The following ANKRD6 variants were observed in gnomAD, a reference collection of about 807,000 sequenced individuals.
ANKRD6 encodes the protein ankyrin repeat domain 6.
ANKRD6 carries 56 observed loss-of-function variants against 82.3 expected under a neutral mutation model. The ratio of observed to expected loss-of-function variants is 0.68; its 90% CI spans 0.55 to 0.85. The LOEUF is 0.85. ANKRD6 is among the 40% of genes least tolerant of loss of function. The pLI, the probability that ANKRD6 is intolerant of heterozygous loss-of-function variation, is 0.00. For synonymous variants in ANKRD6, 347 were observed against 352.1 expected (o/e 0.99, Z 0.16); for missense variants, 852 against 907.6 (o/e 0.94, Z 0.79).
At chr6:89,495,407 A>G (rs2127858639) in intron 1 of ANKRD6, among the ~76,000 whole-genome samples, 1 of 152,322 alleles carries the variant, frequency 6.6e-6, no homozygotes, top group Non-Finnish European at 1.5e-5. Context: ...GTCTGCCCTC[A>G]GACCCCAAGT....
intron 1 of ANKRD6, among the ~76,000 whole-genome samples, chr6:89,477,050 T>C (rs970348686): frequency 3.9e-5 from 6 of 152,210 alleles, no homozygotes; most frequent in Non-Finnish European, 7.3e-5. Context: ...GTTCACGCCA[T>C]TCTCCTGCCT....
intron 6 of ANKRD6, among the ~76,000 whole-genome samples, chr6:89,612,912 CTAAA>C (rs1583772938): frequency 1.3e-5 from 2 of 152,146 alleles, no homozygotes; most frequent in African/African-American, 4.8e-5. Context: ...GCCACGTTGG[CTAAA>C]TAAATAAATA....
chr6:89,506,893 C>T (rs1056756043), intron 1 of ANKRD6, among the ~76,000 whole-genome samples: 7 of 152,230 alleles, frequency 4.6e-5, no homozygotes, highest in African/African-American at 1.7e-4. Context: ...AATCCCTAGT[C>T]TGCCTCACCT....
intron 1 of ANKRD6, among the ~76,000 whole-genome samples, chr6:89,476,501 A>G (rs1319607938): frequency 2.0e-5 from 3 of 152,150 alleles, no homozygotes; most frequent in African/African-American, 7.2e-5. Flanking sequence ...GACTTTTTCC[A>G]CAAAACTGTC....
chr6:89,618,143 A>G (rs1802076254), intron 9 of ANKRD6, 112 bp downstream of exon 9: 1 of 1,228,062 alleles, frequency 8.1e-7, no homozygotes. Flanking sequence ...TATGGAATGT[A>G]ACCAGGCAGT....
At chr6:89,604,403 T>C (rs780521161) in intron 4 of ANKRD6, among the ~76,000 whole-genome samples, 8 of 150,780 alleles carry the variant, frequency 5.3e-5, no homozygotes, top group Non-Finnish European at 5.9e-5. Context: ...CTAATGTTTT[T>C]AAATTTTCAA....
intron 1 of ANKRD6, among the ~76,000 whole-genome samples, chr6:89,533,126 C>T (rs913416272): frequency 3.9e-5 from 6 of 152,132 alleles, no homozygotes; most frequent in South Asian, 2.1e-4. Context: ...CCACCTCCCT[C>T]GGCCTCCCAA....
intron 1 of ANKRD6, among the ~76,000 whole-genome samples, chr6:89,524,216 C>T (rs1334410748): frequency 1.3e-5 from 2 of 151,888 alleles, no homozygotes; most frequent in Non-Finnish European, 2.9e-5. Context: ...TGGATAAGTT[C>T]TTTGGTGATC....
chr6:89,567,487 G>A (rs547366750), intron 2 of ANKRD6, among the ~76,000 whole-genome samples: 4 of 152,258 alleles, frequency 2.6e-5, no homozygotes, highest in East Asian at 1.9e-4. Flanking sequence ...CATTGTCCCC[G>A]TCTGTATGAT....
intron 1 of ANKRD6, among the ~76,000 whole-genome samples, chr6:89,554,017 G>T (rs79614083): frequency 0.024 from 3,707 of 152,222 alleles, 71 homozygotes; most frequent in Non-Finnish European, 0.04. Flanking sequence ...AAGATGGGGG[G>T]GTGTGAGTGA....
At position 89,631,065 on chromosome 6, in the gene ANKRD6, T is replaced by C. The variant is rs2128289062; in HGVS notation, c.*61T>C. 6.9e-7 allele frequency: 1 copy of C among 1,450,594 alleles called. No homozygotes were observed. The allele number at this position is 1,450,594 out of a possible 1,614,324, so 89.9% of individuals were successfully genotyped here. A position where few individuals can be genotyped will look rare whatever the true frequency, so the allele number is the denominator to read the frequency against. ...GATTTCCAGTTTTGCAACTGCATAA[T>C]AGCTATGCCCAAGGAGTCAACTATT... is the stretch of plus-strand genomic sequence containing the variant. On this transcript the variant is annotated 3_prime_UTR_variant, in exon 16 of 16. Coordinates refer to ENST00000339746, the MANE Select transcript of ANKRD6 (RefSeq NM_001242809.2).
At chr6:89,626,480 G>A (rs1316111764) in intron 13 of ANKRD6, among the ~76,000 whole-genome samples, 1 of 152,194 alleles carries the variant, frequency 6.6e-6, no homozygotes, top group African/African-American at 2.4e-5. Flanking sequence ...TTAAGGGAGT[G>A]GGGAGAGTAG....
In ANKRD6 at chr6:89,627,568, C is replaced by CCTAGCTTA. The variant is rs1214881577; in HGVS notation, c.1372-14_1372-13insTAGCTTAC. On this transcript the variant is annotated splice_polypyrimidine_tract_variant and intron_variant, in intron 13 of 15. Transcript: ENST00000339746. Reference sequence around the variant, plus strand: ...GATCATCTCAGTCTTACACTCTGCTCCACTTCACTCCTAGATGCGTGTTTT... The same window carrying CCTAGCTTA: ...GATCATCTCAGTCTTACACTCTGCTCCTAGCTTACACTTCACTCCTAGATGCGTGTTTT... The CCTAGCTTA allele has an allele frequency of 1.9e-6, 3 of 1,612,254 alleles. No individual in the cohort carries two copies. In the African/African-American group the frequency reaches 4.0e-5, roughly 22 times the overall value.
At chr6:89,621,570 G>A (rs1803321434) in intron 9 of ANKRD6, 5 of 249,796 alleles carry the variant, frequency 2.0e-5, no homozygotes, top group South Asian at 1.6e-4. Context: ...CACAACTCCA[G>A]GAGACGCCAT....
chr6:89,471,568 G>C (rs1264553971), intron 1 of ANKRD6, among the ~76,000 whole-genome samples: 3 of 151,862 alleles, frequency 2.0e-5, no homozygotes, highest in Non-Finnish European at 4.4e-5. Flanking sequence ...ATGTGGGAAA[G>C]AGTGGCCGGA....
intron 13 of ANKRD6, among the ~76,000 whole-genome samples, chr6:89,625,529 T>C (rs922714306): frequency 6.6e-5 from 10 of 152,198 alleles, no homozygotes; most frequent in African/African-American, 2.4e-4. Context: ...ATTTGCCTTG[T>C]CTCTCTGACA....
intron 1 of ANKRD6, among the ~76,000 whole-genome samples, chr6:89,435,608 A>T (rs1013651554): frequency 6.6e-6 from 1 of 152,186 alleles, no homozygotes; most frequent in Non-Finnish European, 1.5e-5. Context: ...TCTTCTTCCA[A>T]GTTTCTCCTG....
intron 1 of ANKRD6, among the ~76,000 whole-genome samples, chr6:89,538,651 T>C (rs1290186511): frequency 6.6e-6 from 1 of 152,210 alleles, no homozygotes; most frequent in Non-Finnish European, 1.5e-5. Flanking sequence ...GACTCTATCA[T>C]GTGTTAAGTG....
intron 2 of ANKRD6, among the ~76,000 whole-genome samples, chr6:89,578,494 T>C (rs1197972152): frequency 2.0e-5 from 3 of 151,870 alleles, no homozygotes; most frequent in Non-Finnish European, 4.4e-5. Context: ...TGGGGTCTTG[T>C]CATGTTACCT....
Sources: allele counts gnomAD v4.1 joint callset (sites outside exome capture counted in the v4.1 genomes callset), GRCh38; gene constraint gnomAD v4.1.1; transcripts MANE v1.5; gene names NCBI Gene and HGNC (gene_info 2026-07-23, HGNC 2026-07-21).